SGCZ: variants seen among roughly 807,000 people sequenced by gnomAD.
SGCZ encodes sarcoglycan zeta, also known as zeta-sarcoglycan.
Under a neutral mutation model 41.3 loss-of-function variants are expected in SGCZ, and 40 were observed. The observed-to-expected ratio is 0.97, with a 90% CI of 0.75 to 1.26. The LOEUF (loss-of-function observed/expected upper bound fraction) is 1.26, where lower values mean the gene tolerates loss of function less well. Among genes scored for constraint, SGCZ ranks in the 50% most tolerant of loss-of-function variants. The pLI is 0.00. For synonymous variants in SGCZ, 206 were observed against 137.5 expected (o/e 1.50, Z -3.49); for missense variants, 552 against 369.8 (o/e 1.49, Z -4.04).
At chr8:14,202,240 T>C (rs981038004) in intron 4 of SGCZ, among the ~76,000 whole-genome samples, 7 of 152,062 alleles carry the variant, frequency 4.6e-5, no homozygotes, top group African/African-American at 1.7e-4. Flanking sequence ...TGAAAGACAG[T>C]CACGGGCCAA....
chr8:14,762,145 A>G (rs1371912928), intron 1 of SGCZ, among the ~76,000 whole-genome samples: 1 of 152,200 alleles, frequency 6.6e-6, no homozygotes, highest in Non-Finnish European at 1.5e-5. Context: ...TAGAGATTGC[A>G]TGAACATTTA....
At chr8:15,193,739 T>C (rs1235164112) in intron 1 of SGCZ, among the ~76,000 whole-genome samples, 1 of 152,204 alleles carries the variant, frequency 6.6e-6, no homozygotes, top group Non-Finnish European at 1.5e-5. Context: ...GTAACAAATG[T>C]ACAGAATACT....
intron 4 of SGCZ, among the ~76,000 whole-genome samples, chr8:14,231,678 C>T (rs995428625): frequency 4.6e-5 from 7 of 152,100 alleles, no homozygotes; most frequent in African/African-American, 1.4e-4. Flanking sequence ...AGCATGTTGT[C>T]AGAGGATTAC....
intron 2 of SGCZ, among the ~76,000 whole-genome samples, chr8:14,398,779 G>T (rs1467167329): frequency 6.6e-6 from 1 of 152,080 alleles, no homozygotes; most frequent in East Asian, 1.9e-4. Flanking sequence ...CAGCATTGAT[G>T]TTTTATGGCT....
At chr8:14,890,226 G>C (rs940191259) in intron 1 of SGCZ, among the ~76,000 whole-genome samples, 1 of 146,460 alleles carries the variant, frequency 6.8e-6, no homozygotes, top group East Asian at 2.0e-4. Context: ...AAAAAAGAAA[G>C]AAAGAAAGAG....
At chr8:14,116,885 C>T (rs1417320231) in intron 5 of SGCZ, among the ~76,000 whole-genome samples, 1 of 152,030 alleles carries the variant, frequency 6.6e-6, no homozygotes, top group African/African-American at 2.4e-5. Context: ...TCATCACATG[C>T]TCAGCGTTGA....
intron 2 of SGCZ, among the ~76,000 whole-genome samples, chr8:14,368,624 A>T (rs73664323): frequency 0.069 from 10,569 of 152,090 alleles, 1,113 homozygotes; most frequent in African/African-American, 0.23. Context: ...TAAGGCAGAG[A>T]GTTTTTTGAA....
At chr8:14,211,247 T>C (rs1304815089) in intron 4 of SGCZ, among the ~76,000 whole-genome samples, 2 of 152,148 alleles carry the variant, frequency 1.3e-5, no homozygotes, top group Admixed American at 6.5e-5. Flanking sequence ...TCTGTGCTCC[T>C]GGGCTGTGCA....
chr8:15,191,327 G>A (rs541963015), intron 1 of SGCZ, among the ~76,000 whole-genome samples: 46 of 151,910 alleles, frequency 3.0e-4, no homozygotes, highest in South Asian at 4.1e-4. Flanking sequence ...TATTCATTTC[G>A]TATTCACAAG....
intron 1 of SGCZ, among the ~76,000 whole-genome samples, chr8:14,831,968 A>G (rs1265495899): frequency 6.6e-6 from 1 of 152,130 alleles, no homozygotes; most frequent in Non-Finnish European, 1.5e-5. Flanking sequence ...TTTTAAAAGA[A>G]TAGCTGTGTT....
intron 1 of SGCZ, among the ~76,000 whole-genome samples, chr8:14,992,390 T>C (rs922086016): frequency 7.1e-6 from 1 of 141,842 alleles, no homozygotes; most frequent in Non-Finnish European, 1.5e-5. Flanking sequence ...GCTATTTACC[T>C]CTCACCCTCA....
At chr8:14,885,895 T>C (rs2130732413) in intron 1 of SGCZ, among the ~76,000 whole-genome samples, 1 of 149,554 alleles carries the variant, frequency 6.7e-6, no homozygotes, top group African/African-American at 2.5e-5. Context: ...AGAAGCAGAA[T>C]AAAATTCACC....
intron 1 of SGCZ, among the ~76,000 whole-genome samples, chr8:15,012,911 G>C (rs1802892587): frequency 6.6e-6 from 1 of 150,800 alleles, no homozygotes; most frequent in Admixed American, 6.6e-5. Context: ...ATTTGGTTTT[G>C]TTTTCTCATG....
At chr8:14,142,970 G>A (rs913431110) in intron 5 of SGCZ, among the ~76,000 whole-genome samples, 3 of 148,772 alleles carry the variant, frequency 2.0e-5, no homozygotes, top group African/African-American at 7.5e-5. Flanking sequence ...GTGGAACCGT[G>A]AGCCAATAAA....
chr8:14,717,394 T>G (rs1236148026), intron 1 of SGCZ, among the ~76,000 whole-genome samples: 1 of 152,118 alleles, frequency 6.6e-6, no homozygotes, highest in African/African-American at 2.4e-5. Context: ...GTAATATGCT[T>G]AAAATCAACA....
intron 2 of SGCZ, among the ~76,000 whole-genome samples, chr8:14,378,148 A>C (rs1164218740): frequency 6.7e-6 from 1 of 150,270 alleles, no homozygotes; most frequent in Admixed American, 6.6e-5. Context: ...TCCCACCAAC[A>C]GTGTAAAAGT....
Position 14,241,447 on chromosome 8 carries a change from A to G in SGCZ, c.337-3768T>C, listed in dbSNP as rs1798886596. Among the ~76,000 whole-genome samples, 4 of 148,562 alleles carry G rather than the reference A, an allele frequency of 2.7e-5. No individual in the cohort carries two copies. In the South Asian group the frequency reaches 6.2e-4, roughly 23 times the overall value. On this transcript the variant is annotated intron_variant, in intron 3 of 7. Transcript: ENST00000382080. Reference sequence around the variant, plus strand: ...GCATGATAAGCTAGTATAAATATATAAACAATATATAATAATATATATCCT... The same window carrying G: ...GCATGATAAGCTAGTATAAATATATGAACAATATATAATAATATATATCCT...
At chr8:15,221,633 G>C (rs1420092807) in intron 1 of SGCZ, among the ~76,000 whole-genome samples, 1 of 152,144 alleles carries the variant, frequency 6.6e-6, no homozygotes, top group East Asian at 1.9e-4. Context: ...TGACTTGAAG[G>C]ATTCCTACTG....
At chr8:14,328,290 C>A (rs932240914) in intron 2 of SGCZ, among the ~76,000 whole-genome samples, 2 of 152,144 alleles carry the variant, frequency 1.3e-5, no homozygotes, top group Non-Finnish European at 2.9e-5. Context: ...CTGATCCCTT[C>A]ATTATCTGAA....
Sources: allele counts gnomAD v4.1 joint callset (sites outside exome capture counted in the v4.1 genomes callset), GRCh38; gene constraint gnomAD v4.1.1; transcripts MANE v1.5; gene names NCBI Gene and HGNC (gene_info 2026-07-23, HGNC 2026-07-21).